HSD17B4: variants seen among roughly 807,000 people sequenced by gnomAD.
HSD17B4 encodes peroxisomal multifunctional enzyme type 2.
Under a neutral mutation model 101.0 loss-of-function variants are expected in HSD17B4, and 70 were observed. That is an observed-to-expected ratio of 0.69 (90% CI 0.57 to 0.85). The LOEUF (loss-of-function observed/expected upper bound fraction) is 0.85, where lower values mean the gene tolerates loss of function less well. Among genes scored for constraint, HSD17B4 ranks in the 40% least tolerant of loss-of-function variants. The pLI is 0.00. For missense variants in HSD17B4, 984 were observed against 892.4 expected (o/e 1.10, Z -1.31); for synonymous variants, 347 against 297.1 (o/e 1.17, Z -1.73).
chr5:119,478,417 G>A (rs1293063021), intron 7 of HSD17B4, among the ~76,000 whole-genome samples: 1 of 152,174 alleles, frequency 6.6e-6, no homozygotes, highest in Non-Finnish European at 1.5e-5. Context: ...TAAGTAGAGT[G>A]AGTGAGGTTG....
At chr5:119,503,340 T>C (rs747812972) in intron 14 of HSD17B4, among the ~76,000 whole-genome samples, 1 of 152,118 alleles carries the variant, frequency 6.6e-6, no homozygotes, top group Non-Finnish European at 1.5e-5. Context: ...GTGATGTGAA[T>C]AGGAAGGTGT....
In HSD17B4 at chr5:119,483,226, A is replaced by T. The variant is rs114977561; in HGVS notation, c.622+4205A>T. On this transcript the variant is annotated intron_variant, in intron 8 of 23. Coordinates refer to ENST00000510025, the MANE Select transcript of HSD17B4 (RefSeq NM_000414.4). ...ACAAGTCCACATTCAGCCTCTAGCAATTTGTCGGTTACTGTTTAAGTGTTC... is the reference window on the plus strand; with the variant it reads ...ACAAGTCCACATTCAGCCTCTAGCATTTTGTCGGTTACTGTTTAAGTGTTC... 2.6e-3 allele frequency among the ~76,000 whole-genome samples: 392 copies of T among 152,170 alleles called. 1 individual carries two copies. The highest frequency in any genetic ancestry group is 4.2e-3 in the Non-Finnish European group (286 of 67,998).
At chr5:119,536,731 C>T (rs531174562) in intron 23 of HSD17B4, among the ~76,000 whole-genome samples, 181 bp downstream of exon 23, 2 of 152,166 alleles carry the variant, frequency 1.3e-5, no homozygotes, top group East Asian at 3.9e-4. Context: ...AATGGAGTTT[C>T]ACCTGACACT....
chr5:119,453,255 C>G (rs1754264170), intron 1 of HSD17B4, among the ~76,000 whole-genome samples: 1 of 152,140 alleles, frequency 6.6e-6, no homozygotes, highest in Non-Finnish European at 1.5e-5. Flanking sequence ...CTCAAATGCG[C>G]ACAGGGGTCA....
chr5:119,515,802 T>C (rs1345660280), intron 17 of HSD17B4, among the ~76,000 whole-genome samples: 1 of 152,052 alleles, frequency 6.6e-6, no homozygotes, highest in African/African-American at 2.4e-5. Context: ...TTCAGAAAGG[T>C]CACTTTAAAA....
chr5:119,469,717 C>G (rs990575739), intron 2 of HSD17B4, among the ~76,000 whole-genome samples: 2 of 152,180 alleles, frequency 1.3e-5, no homozygotes, highest in East Asian at 1.9e-4. Flanking sequence ...ACAGTCGTAT[C>G]TTCCCCTTTT....
intron 14 of HSD17B4, among the ~76,000 whole-genome samples, chr5:119,504,012 G>T (rs257971): frequency 1.3e-5 from 2 of 151,808 alleles, no homozygotes; most frequent in African/African-American, 2.4e-5. Flanking sequence ...GCTCCCACTT[G>T]TAAGTGAAAA....
chr5:119,512,948 A>T (rs1752305750), intron 16 of HSD17B4, among the ~76,000 whole-genome samples: 1 of 152,164 alleles, frequency 6.6e-6, no homozygotes, highest in Non-Finnish European at 1.5e-5. Flanking sequence ...AAATGACTGG[A>T]TTTTACATTT....
At chr5:119,497,854 A>G (rs1035805681) in intron 12 of HSD17B4, among the ~76,000 whole-genome samples, 1 of 152,190 alleles carries the variant, frequency 6.6e-6, no homozygotes, top group Non-Finnish European at 1.5e-5. Context: ...ATCTAACTGT[A>G]TGACAAGTAT....
At chr5:119,463,694 G>A (rs1388754106) in intron 2 of HSD17B4, among the ~76,000 whole-genome samples, 1 of 104,056 alleles carries the variant, frequency 9.6e-6, no homozygotes, top group Non-Finnish European at 1.8e-5. Flanking sequence ...TTAAGAAAGA[G>A]TGTTACTCCG....
intron 12 of HSD17B4, among the ~76,000 whole-genome samples, chr5:119,498,281 C>G (rs1171999869): frequency 6.6e-6 from 1 of 152,112 alleles, no homozygotes; most frequent in Non-Finnish European, 1.5e-5. Flanking sequence ...GGTTGGCAAA[C>G]CTTTTTGATG....
chr5:119,526,891 T>TAA (rs1753648795), intron 19 of HSD17B4, among the ~76,000 whole-genome samples: 1 of 151,994 alleles, frequency 6.6e-6, no homozygotes, highest in South Asian at 2.1e-4. Flanking sequence ...TTTGTCAAGA[T>TAA]AAAAAACACT....
intron 13 of HSD17B4, among the ~76,000 whole-genome samples, chr5:119,500,015 A>G (rs972648415): frequency 1.3e-5 from 2 of 152,164 alleles, no homozygotes; most frequent in South Asian, 2.1e-4. Context: ...CAAGGGGGCA[A>G]TGGTAGGAGA....
chr5:119,530,145 A>T, intron 21 of HSD17B4, 165 bp downstream of exon 21: 1 of 626,822 alleles, frequency 1.6e-6, no homozygotes, highest in South Asian at 1.8e-5. Flanking sequence ...TAGAAGGAAT[A>T]CTCTGGCAAT....
chr5:119,521,368 G>A (rs1753098340), intron 17 of HSD17B4, among the ~76,000 whole-genome samples: 1 of 152,238 alleles, frequency 6.6e-6, no homozygotes, highest in East Asian at 1.9e-4. Context: ...CTTGCATGTT[G>A]CAGGTCAGTC....
At position 119,515,141 on chromosome 5, in the gene HSD17B4, C is replaced by A. The variant is rs985794011; in HGVS notation, c.1503+95C>A. 7.2e-5 allele frequency: 55 copies of A among 768,076 alleles called. 1 individual carries two copies. The South Asian group carries it at 7.7e-4, about 11-fold the overall frequency. The allele number at this position is 768,076 out of a possible 1,614,324, so 47.6% of individuals were successfully genotyped here. A position where few individuals can be genotyped will look rare whatever the true frequency, so the allele number is the denominator to read the frequency against. On this transcript the variant is annotated intron_variant, in intron 17 of 23. Transcript: ENST00000510025. ...ACCTTATAACATTATGCATCTAATG[C>A]ATAATGAATAATATGTTATTATTCA...
rs552358771 is a variant in HSD17B4, at chr5:119,458,487, G to A, written c.112+2119G>A. 1.5e-4 allele frequency among the ~76,000 whole-genome samples: 22 copies of A among 150,214 alleles called. No homozygotes were observed. In the South Asian group the frequency reaches 3.0e-3, roughly 20 times the overall value. On this transcript the variant is annotated intron_variant, in intron 2 of 23. Coordinates refer to ENST00000510025, the MANE Select transcript of HSD17B4 (RefSeq NM_000414.4). The stretch of plus-strand genomic sequence containing the variant: ...CTCCCAAGTAGCTGGGATTACAGGC[G>A]CCTGCCACCAAGCCTGGCTAATTTT...
At chr5:119,489,048 G>A (rs529709464) in intron 8 of HSD17B4, 144 bp from the exon 9 acceptor site, 18 of 606,318 alleles carry the variant, frequency 3.0e-5, no homozygotes, top group African/African-American at 2.1e-4. Flanking sequence ...AAAGTTCTTC[G>A]CAAAGACTTA....
rs780532444 is a variant in HSD17B4 at position 119,536,486 on chromosome 5, C to A, written c.2057C>A (p.Thr686Lys). The change falls in exon 23 of 24, where the codon ACA becomes AAA. Residue 686 changes from threonine (T) to lysine (K), a missense_variant. Physicochemically the swap from Thr to Lys is moderately conservative, Grantham distance 78 (BLOSUM62 -1). Coordinates refer to ENST00000510025, the MANE Select transcript of HSD17B4 (RefSeq NM_000414.4). Reference sequence around the variant, plus strand: ...GGCCCTGCAAAAGGTGCTGCTGATACAACAATCATACTTTCAGATGAAGAT... The same window carrying A: ...GGCCCTGCAAAAGGTGCTGCTGATAAAACAATCATACTTTCAGATGAAGAT... ...YQGPAKGAAD[T>K]TIILSDEDFM... is the part of the protein sequence containing the mutation. The A allele has an allele frequency of 1.9e-6, 3 of 1,611,828 alleles. No homozygotes were observed. Among genetic ancestry groups the A allele is most frequent in the African/African-American group, 1.3e-5 (1 of 74,844 alleles).
Sources: allele counts gnomAD v4.1 joint callset (sites outside exome capture counted in the v4.1 genomes callset), GRCh38; gene constraint gnomAD v4.1.1; transcripts MANE v1.5; gene names NCBI Gene and HGNC (gene_info 2026-07-23, HGNC 2026-07-21).